GSDMC: variants seen among roughly 807,000 people sequenced by gnomAD.
GSDMC encodes gasdermin C.
GSDMC carries 59 observed loss-of-function variants against 58.0 expected under a neutral mutation model. That is an observed-to-expected ratio of 1.02 (90% CI 0.82 to 1.26). The LOEUF is 1.26. Among genes scored for constraint, GSDMC ranks in the 50% most tolerant of loss-of-function variants. GSDMC has a pLI of 0.00. For synonymous variants in GSDMC, 241 were observed against 220.2 expected, an observed-to-expected ratio of 1.09 and a Z score of -0.83; for missense variants, 659 against 598.5, an observed-to-expected ratio of 1.10 and a Z score of -1.06.
chr8:129,749,985 C>T lies in GSDMC; in HGVS notation c.1213+5G>A. ...TCTCCCATTCTTCCCTTTAATTACT[C>T]TTACCCATTATGGCTTCAAGGAGAT... On this transcript the variant is annotated splice_donor_5th_base_variant and intron_variant, in intron 12 of 13. Transcript: ENST00000276708. The T allele has an allele frequency of 6.3e-7, 1 of 1,587,536 alleles. No homozygotes were observed. Among genetic ancestry groups the T allele is most frequent in the Non-Finnish European group, 8.5e-7 (1 of 1,171,646 alleles).
intron 6 of GSDMC, among the ~76,000 whole-genome samples, chr8:129,757,512 CA>C (rs1176936126): frequency 6.6e-6 from 1 of 151,476 alleles, no homozygotes; most frequent in Non-Finnish European, 1.5e-5. Flanking sequence ...CAAACTACTC[CA>C]AAAAATAGAA....
At chr8:129,732,636 A>G in the GSDMC span, among the ~76,000 whole-genome samples, 4 of 152,218 alleles carry the variant, frequency 2.6e-5, no homozygotes, top group South Asian at 2.1e-4. Context: ...AGGAAGCTCA[A>G]TGAGCTCCAG....
the GSDMC span, among the ~76,000 whole-genome samples, chr8:129,710,291 C>A: frequency 1.3e-5 from 2 of 152,158 alleles, no homozygotes; most frequent in Non-Finnish European, 2.9e-5. Flanking sequence ...AATGAATGAG[C>A]AAATGGGCAC....
chr8:129,744,491 A>G (rs1648180196), downstream of GSDMC, among the ~76,000 whole-genome samples: 2 of 152,232 alleles, frequency 1.3e-5, no homozygotes, highest in South Asian at 4.1e-4. Context: ...TAACAGTTAG[A>G]ATTGGGTTGA....
the GSDMC span, among the ~76,000 whole-genome samples, chr8:129,712,512 C>T: frequency 6.6e-6 from 1 of 152,074 alleles, no homozygotes; most frequent in Non-Finnish European, 1.5e-5. Flanking sequence ...GCAAGTTGTA[C>T]TCTACACAAG....
intron 1 of GSDMC, among the ~76,000 whole-genome samples, chr8:129,784,471 T>C (rs2034501242): frequency 6.6e-6 from 1 of 151,384 alleles, no homozygotes; most frequent in Admixed American, 6.6e-5. Flanking sequence ...TACATACAAA[T>C]GAAAAAAAGG....
chr8:129,764,755 A>AT (rs1303326353), intron 4 of GSDMC, among the ~76,000 whole-genome samples: 1 of 152,188 alleles, frequency 6.6e-6, no homozygotes, highest in Non-Finnish European at 1.5e-5. Context: ...TCCCACACAC[A>AT]TTTTTTAAAA....
chr8:129,766,208 A>G (rs1025172490), intron 3 of GSDMC, among the ~76,000 whole-genome samples: 3 of 152,178 alleles, frequency 2.0e-5, no homozygotes, highest in African/African-American at 7.2e-5. Context: ...TAGCACAATC[A>G]GGGTGGGCTG....
downstream of GSDMC, among the ~76,000 whole-genome samples, chr8:129,743,534 C>T (rs145068317): frequency 3.9e-3 from 601 of 152,294 alleles, 4 homozygotes; most frequent in African/African-American, 0.014. Context: ...AACCCACCAT[C>T]GTCATCCCAT....
At chr8:129,775,607 T>C (rs1199722905) in intron 3 of GSDMC, among the ~76,000 whole-genome samples, 3 of 152,184 alleles carry the variant, frequency 2.0e-5, no homozygotes, top group Non-Finnish European at 4.4e-5. Context: ...AATCATCACA[T>C]TGTACACCTT....
At chr8:129,758,406 T>C (rs1186958059) in intron 6 of GSDMC, among the ~76,000 whole-genome samples, 1 of 152,184 alleles carries the variant, frequency 6.6e-6, no homozygotes, top group African/African-American at 2.4e-5. Flanking sequence ...GCATCCAGAT[T>C]GGAAAGGAAG....
chr8:129,717,281 G>A, the GSDMC span, among the ~76,000 whole-genome samples: 1 of 134,408 alleles, frequency 7.4e-6, no homozygotes, highest in African/African-American at 3.0e-5. Flanking sequence ...TTATTGGTAG[G>A]CTATTAATTA....
rs1420361636 is a variant in GSDMC, at chr8:129,748,470, A to G, written c.*31T>C. Reference sequence around the variant, plus strand: ...CAGCATAGACTGGGCGAGGGCCAGCATCTCTGGACTGACTGCCCATCAGGG... The same window carrying G: ...CAGCATAGACTGGGCGAGGGCCAGCGTCTCTGGACTGACTGCCCATCAGGG... On this transcript the variant is annotated 3_prime_UTR_variant, in exon 14 of 14. Coordinates refer to ENST00000276708, the MANE Select transcript of GSDMC (RefSeq NM_031415.3). 2 of 1,567,092 alleles carry G rather than the reference A, an allele frequency of 1.3e-6. No individual in the cohort carries two copies. The highest frequency in any genetic ancestry group is 2.7e-5 in the African/African-American group (2 of 73,514).
In GSDMC at chr8:129,777,483, C is replaced by T. The variant is rs774789181; in HGVS notation, c.105G>A (p.Gln35=). 1.2e-5 allele frequency: 19 copies of T among 1,613,068 alleles called. No individual in the cohort carries two copies. Among genetic ancestry groups the T allele is most frequent in the Non-Finnish European group, 1.3e-5 (15 of 1,179,010 alleles). ...CCTTCTTCTTTCGTAATATAACAAA[C>T]TGACGTAATTTGGTGGCACTCAATA... The part of the protein sequence containing the change: ...KYLLSATKLR[Q]FVILRKKKDS... Residue 35 remains glutamine, a synonymous_variant, in exon 2 of 14, where the codon CAG becomes CAA. Coordinates refer to ENST00000276708, the MANE Select transcript of GSDMC (RefSeq NM_031415.3).
the GSDMC span, among the ~76,000 whole-genome samples, chr8:129,732,381 T>A: frequency 6.7e-6 from 1 of 149,386 alleles, no homozygotes; most frequent in South Asian, 2.1e-4. Context: ...TTACACCCCC[T>A]AGGGAGGGGG....
chr8:129,739,549 C>T, the GSDMC span, among the ~76,000 whole-genome samples: 3,793 of 152,242 alleles, frequency 0.025, 65 homozygotes, highest in Middle Eastern at 0.14. Flanking sequence ...ACAGGCCACA[C>T]GTATGACGGT....
At chr8:129,723,115 A>G in the GSDMC span, 2 of 152,202 alleles carry the variant, frequency 1.3e-5, no homozygotes, top group African/African-American at 4.8e-5. Flanking sequence ...TAAAACTACC[A>G]TCGTGCATGC....
At chr8:129,719,443 C>T in the GSDMC span, among the ~76,000 whole-genome samples, 1 of 152,132 alleles carries the variant, frequency 6.6e-6, no homozygotes, top group African/African-American at 2.4e-5. Flanking sequence ...TTCAATATCA[C>T]TAACTCAGTA....
chr8:129,721,289 C>T, the GSDMC span, among the ~76,000 whole-genome samples: 2 of 152,158 alleles, frequency 1.3e-5, no homozygotes, highest in African/African-American at 4.8e-5. Context: ...AGCAACCCAA[C>T]ATGTCTACAG....
Sources: gnomAD v4.1 joint callset for allele counts (sites outside exome capture counted in the v4.1 genomes callset) on GRCh38, gnomAD v4.1.1 for gene constraint, MANE v1.5 for transcripts, NCBI Gene and HGNC (gene_info 2026-07-23, HGNC 2026-07-21) for gene names.